LINGO2: variants seen among roughly 807,000 people sequenced by gnomAD.
The protein encoded by LINGO2 is leucine rich repeat and Ig domain containing 2.
Under a neutral mutation model 30.6 loss-of-function variants are expected in LINGO2, and 14 were observed. The observed-to-expected ratio is 0.46, with a 90% CI of 0.30 to 0.72. LINGO2 has a LOEUF of 0.72. Among genes scored for constraint, LINGO2 ranks in the 30% least tolerant of loss-of-function variants. The pLI, the probability that LINGO2 is intolerant of heterozygous loss-of-function variation, is 0.07. For synonymous variants in LINGO2, 317 were observed against 288.5 expected, an observed-to-expected ratio of 1.10 and a Z score of -1.00; for missense variants, 729 against 751.7, an observed-to-expected ratio of 0.97 and a Z score of 0.35.
Position 28,173,881 on chromosome 9 carries a change from C to G in LINGO2, c.-87+121327G>C, listed in dbSNP as rs189646023. Among the ~76,000 whole-genome samples the G allele has an allele frequency of 4.3e-4, 66 of 152,262 alleles. 1 individual carries two copies. Among genetic ancestry groups the G allele is most frequent in the African/African-American group, 1.6e-3 (65 of 41,556 alleles). On this transcript the variant is annotated intron_variant, in intron 4 of 5. Coordinates refer to ENST00000379992, the Ensembl canonical transcript of LINGO2. ...TAAATTAATCATTTAAAGTCAGGAA[C>G]CCTCAACTGGACACAATATTAGGAG...
intron 4 of LINGO2, among the ~76,000 whole-genome samples, chr9:28,222,985 T>A (rs1038896774): frequency 6.6e-6 from 1 of 152,108 alleles, no homozygotes; most frequent in African/African-American, 2.4e-5. Context: ...AATAGTCCTA[T>A]TTCAAGATAC....
At chr9:28,003,688 C>T (rs1270929037) in intron 5 of LINGO2, among the ~76,000 whole-genome samples, 1 of 152,136 alleles carries the variant, frequency 6.6e-6, no homozygotes, top group African/African-American at 2.4e-5. Flanking sequence ...GTCTCGATCT[C>T]CTGACCTTGT....
intron 4 of LINGO2, among the ~76,000 whole-genome samples, chr9:28,280,419 G>C (rs969257223): frequency 6.6e-6 from 1 of 152,060 alleles, no homozygotes; most frequent in Non-Finnish European, 1.5e-5. Context: ...AGAATGTTAG[G>C]GAGAAGTTTG....
the LINGO2 span, among the ~76,000 whole-genome samples, chr9:28,792,586 G>C: frequency 6.6e-6 from 1 of 152,026 alleles, no homozygotes; most frequent in African/African-American, 2.4e-5. Flanking sequence ...TTTATGTCAT[G>C]CTGTATTTAT....
chr9:28,094,050 CTGAACAATGAGCTCTT>C (rs1826174706), intron 4 of LINGO2, among the ~76,000 whole-genome samples: 1 of 152,068 alleles, frequency 6.6e-6, no homozygotes, highest in Admixed American at 6.6e-5. Flanking sequence ...TAAATGTGAT[CTGAACAATGAGCTCTT>C]TGAAAAGGCC....
intron 4 of LINGO2, among the ~76,000 whole-genome samples, chr9:28,099,323 G>C (rs1030455483): frequency 1.4e-4 from 22 of 152,140 alleles, no homozygotes; most frequent in African/African-American, 5.3e-4. Flanking sequence ...AAACAAAAAG[G>C]CTTTTTATTT....
At chr9:28,691,656 C>T in the LINGO2 span, among the ~76,000 whole-genome samples, 1 of 152,072 alleles carries the variant, frequency 6.6e-6, no homozygotes, top group African/African-American at 2.4e-5. Context: ...TAGTAGTGAT[C>T]TTGAGAATCT....
At chr9:28,141,405 G>C (rs1827668144) in intron 4 of LINGO2, among the ~76,000 whole-genome samples, 1 of 152,196 alleles carries the variant, frequency 6.6e-6, no homozygotes, top group African/African-American at 2.4e-5. Flanking sequence ...AGAAGCTAGG[G>C]ACGCTCAGTG....
chr9:29,209,117 T>C, the LINGO2 span, among the ~76,000 whole-genome samples: 1 of 152,148 alleles, frequency 6.6e-6, no homozygotes, highest in African/African-American at 2.4e-5. Context: ...TTTGATTACA[T>C]TGGCCAATTT....
intron 5 of LINGO2, among the ~76,000 whole-genome samples, chr9:27,977,709 C>A (rs190372068): frequency 4.8e-4 from 73 of 151,770 alleles, no homozygotes; most frequent in African/African-American, 1.7e-3. Context: ...CTTTTCTCCC[C>A]CCATCACATG....
At chr9:27,986,373 G>A (rs761897013) in intron 5 of LINGO2, among the ~76,000 whole-genome samples, 38 of 151,802 alleles carry the variant, frequency 2.5e-4, no homozygotes, top group Non-Finnish European at 4.9e-4. Flanking sequence ...TTTGAAATTA[G>A]CACCTGTGAC....
the LINGO2 span, among the ~76,000 whole-genome samples, chr9:28,846,902 AC>A: frequency 3.5e-5 from 5 of 144,408 alleles, no homozygotes; most frequent in Admixed American, 6.9e-5. Context: ...TGCTCCTCCT[AC>A]AGTCCAGAAT....
At chr9:28,740,066 T>G in the LINGO2 span, among the ~76,000 whole-genome samples, 1 of 151,750 alleles carries the variant, frequency 6.6e-6, no homozygotes, top group Non-Finnish European at 1.5e-5. Flanking sequence ...CTTTTGTTTT[T>G]GATTTCTCAC....
the LINGO2 span, among the ~76,000 whole-genome samples, chr9:28,683,653 G>C: frequency 1.3e-5 from 2 of 152,072 alleles, no homozygotes; most frequent in African/African-American, 2.4e-5. Flanking sequence ...TTAAATATTT[G>C]TTTTCAGAAT....
chr9:28,602,585 T>C (rs1332984125), intron 1 of LINGO2, among the ~76,000 whole-genome samples: 1 of 152,124 alleles, frequency 6.6e-6, no homozygotes, highest in African/African-American at 2.4e-5. Flanking sequence ...TGTCAATATG[T>C]TGATGTTATA....
At chr9:28,429,346 A>G (rs1823550575) in intron 2 of LINGO2, among the ~76,000 whole-genome samples, 3 of 152,176 alleles carry the variant, frequency 2.0e-5, no homozygotes, top group Admixed American at 2.0e-4. Context: ...GGTAATAACA[A>G]AGCCCTTTTT....
the LINGO2 span, among the ~76,000 whole-genome samples, chr9:28,844,692 C>CG: frequency 6.6e-6 from 1 of 151,746 alleles, no homozygotes; most frequent in Non-Finnish European, 1.5e-5. Context: ...AATATGGGAT[C>CG]AGAACATCTA....
intron 1 of LINGO2, among the ~76,000 whole-genome samples, chr9:28,554,805 GA>G (rs1277628610): frequency 5.6e-5 from 8 of 143,202 alleles, no homozygotes; most frequent in Non-Finnish European, 1.0e-4. Flanking sequence ...CAATCTCTCA[GA>G]CCACAGTGCA....
At chr9:28,995,315 A>G in the LINGO2 span, among the ~76,000 whole-genome samples, 25 of 152,314 alleles carry the variant, frequency 1.6e-4, no homozygotes, top group South Asian at 3.5e-3. Context: ...CAAAACCACA[A>G]TGAGATACCA....
Sources: allele counts gnomAD v4.1 joint callset (sites outside exome capture counted in the v4.1 genomes callset), GRCh38; gene constraint gnomAD v4.1.1; transcripts MANE v1.5; gene names NCBI Gene and HGNC (gene_info 2026-07-23, HGNC 2026-07-21).